ZHX1: variants seen among roughly 807,000 people sequenced by gnomAD.
ZHX1 encodes zinc fingers and homeoboxes 1, also known as zinc fingers and homeoboxes protein 1.
A neutral mutation model predicts 61.8 loss-of-function variants in ZHX1; 20 were observed. That is an observed-to-expected ratio of 0.32 (90% CI 0.23 to 0.47). ZHX1 has a LOEUF of 0.47. Ranked by LOEUF, ZHX1 falls within the 20% of genes least tolerant of loss-of-function variation. The pLI is 1.00. For synonymous variants in ZHX1, 318 were observed against 352.6 expected, an observed-to-expected ratio of 0.90 and a Z score of 1.10; for missense variants, 800 against 1,034.8, an observed-to-expected ratio of 0.77 and a Z score of 3.11.
chr8:123,253,587 T>A lies in ZHX1; in HGVS notation c.2360A>T (p.Asp787Val). Residue 787 changes from aspartate to valine, a missense_variant, in exon 3 of 4, where the codon GAT (aspartate) becomes GTT (valine). By Grantham distance (152) the Asp-to-Val change is radical. Transcript: ENST00000395571. ...AAGAAACTTGTGCTTCAGGTAATAATCCTTAAGTATTGCAGTTCCAGTTTT... is the reference window on the plus strand; with the variant it reads ...AAGAAACTTGTGCTTCAGGTAATAAACCTTAAGTATTGCAGTTCCAGTTTT... ...KFKTGTAILKDYYLKHKFLNE... is the reference protein window; with the variant it reads ...KFKTGTAILKVYYLKHKFLNE... 1 of 1,614,224 alleles carries A rather than the reference T, an allele frequency of 6.2e-7. No individual in the cohort carries two copies. The highest frequency in any genetic ancestry group is 1.1e-5 in the South Asian group (1 of 91,088).
chr8:123,272,464 T>A (rs890105200), intron 1 of ZHX1, among the ~76,000 whole-genome samples: 4 of 152,222 alleles, frequency 2.6e-5, no homozygotes, highest in Admixed American at 6.5e-5. Flanking sequence ...ATTATTGTCA[T>A]TGGCAGCACT....
chr8:123,267,370 C>T lies in ZHX1; in HGVS notation c.-323G>A. On this transcript the variant is annotated 5_prime_UTR_variant, in exon 2 of 4. Coordinates refer to ENST00000395571, the MANE Select transcript of ZHX1 (RefSeq NM_007222.5). ...GCCATCATTACCAACAGGTCCAAAG[C>T]AGCAGTCTGTCTTCTCCTACAAAAA... 1.7e-6 allele frequency: 2 copies of T among 1,204,506 alleles called. No individual in the cohort carries two copies. Among genetic ancestry groups the T allele is most frequent in the Non-Finnish European group, 2.3e-6 (2 of 877,530 alleles). 74.6% of individuals were successfully genotyped at this position (1,204,506 alleles called of 1,614,324 possible).
intron 3 of ZHX1, chr8:123,252,496 T>C (rs1478788149): frequency 1.3e-5 from 2 of 152,198 alleles, no homozygotes; most frequent in Non-Finnish European, 2.9e-5. Flanking sequence ...TCAAATACAA[T>C]GTTAGTGCTG....
At chr8:123,261,812 C>G (rs936461534) in intron 2 of ZHX1, among the ~76,000 whole-genome samples, 1 of 152,090 alleles carries the variant, frequency 6.6e-6, no homozygotes. Context: ...TATAAATTCT[C>G]TCACTTTTTT....
intron 2 of ZHX1, among the ~76,000 whole-genome samples, chr8:123,258,699 C>T (rs1826152981): frequency 6.6e-6 from 1 of 151,850 alleles, no homozygotes; most frequent in Admixed American, 6.6e-5. Flanking sequence ...GGAGGCATCA[C>T]CATAGAGAAC....
chr8:123,268,784 C>T (rs922844752), intron 1 of ZHX1, among the ~76,000 whole-genome samples: 7 of 152,122 alleles, frequency 4.6e-5, no homozygotes, highest in Non-Finnish European at 8.8e-5. Context: ...GATCCCTAAC[C>T]GGCCTTTTGT....
chr8:123,257,595 G>A (rs1033670773), intron 2 of ZHX1, among the ~76,000 whole-genome samples: 3 of 152,180 alleles, frequency 2.0e-5, no homozygotes, highest in Admixed American at 6.5e-5. Context: ...CGCGGTGCGA[G>A]GGGATGAGAT....
intron 3 of ZHX1, among the ~76,000 whole-genome samples, chr8:123,252,233 T>C (rs1333466522): frequency 6.6e-6 from 1 of 152,206 alleles, no homozygotes; most frequent in East Asian, 1.9e-4. Context: ...AACTGCATTG[T>C]TTTCAAAACA....
intron 3 of ZHX1, chr8:123,252,642 A>G (rs1825951128): frequency 6.6e-6 from 1 of 152,206 alleles, no homozygotes; most frequent in Admixed American, 6.5e-5. Flanking sequence ...ATGCCGCCTA[A>G]GCAAACATGA....
chr8:123,261,251 T>C (rs953164779), intron 2 of ZHX1, among the ~76,000 whole-genome samples: 2 of 152,150 alleles, frequency 1.3e-5, no homozygotes, highest in Non-Finnish European at 2.9e-5. Context: ...AGTCATAAGT[T>C]TGGAGGAAAC....
At chr8:123,273,131 G>A (rs1433694934) in intron 1 of ZHX1, among the ~76,000 whole-genome samples, 1 of 152,100 alleles carries the variant, frequency 6.6e-6, no homozygotes, top group African/African-American at 2.4e-5. Context: ...CCAGCTGCTG[G>A]ATCCTTCACT....
chr8:123,274,979 G>T (rs1003528601), upstream of ZHX1, among the ~76,000 whole-genome samples: 6 of 152,152 alleles, frequency 3.9e-5, no homozygotes, highest in African/African-American at 1.4e-4. Flanking sequence ...CCTTGTCAGC[G>T]GCAGCTCCAC....
In ZHX1 at chr8:123,265,720, TAA is replaced by T. The variant is rs1408025716; in HGVS notation, c.-226+1551_-226+1552del. Among the ~76,000 whole-genome samples, 8 of 152,216 alleles carry T rather than the reference TAA, an allele frequency of 5.3e-5. No homozygotes were observed. The East Asian group carries it at 1.5e-3, about 29-fold the overall frequency. On this transcript the variant is annotated intron_variant, in intron 2 of 3. Coordinates refer to ENST00000395571, the MANE Select transcript of ZHX1 (RefSeq NM_007222.5). ...TAACCTACAATCATGACCTGAGAGA[TAA>T]GTCTCAAGAAAACTGTAAAAAATAG... is the stretch of plus-strand genomic sequence containing the variant.
Position 123,255,612 on chromosome 8 carries a change from T to G in ZHX1, c.335A>C (p.Lys112Thr). 6.2e-7 allele frequency: 1 copy of G among 1,613,538 alleles called. No homozygotes were observed. Among genetic ancestry groups the G allele is most frequent in the Non-Finnish European group, 8.5e-7 (1 of 1,180,008 alleles). The change falls in exon 3 of 4, where the codon AAA becomes ACA. Residue 112 changes from lysine to threonine, a missense_variant. Physicochemically the swap from Lys to Thr is moderately conservative, Grantham distance 78. Transcript: ENST00000395571. ...YVCVECNFLT[K>T]RYDALSEHNL... ...ATGCTCAGAAAGTGCATCATACCTT[T>G]TGGTAAGAAAATTGCATTCGACACA...
At chr8:123,257,858 C>T (rs1399861930) in intron 2 of ZHX1, among the ~76,000 whole-genome samples, 1 of 152,100 alleles carries the variant, frequency 6.6e-6, no homozygotes, top group African/African-American at 2.4e-5. Flanking sequence ...TTGGGGACCC[C>T]TACTAGAGAT....
At chr8:123,257,216 G>A (rs1400507501) in intron 2 of ZHX1, 1 of 152,248 alleles carries the variant, frequency 6.6e-6, no homozygotes, top group Non-Finnish European at 1.5e-5. Flanking sequence ...ACCGTGCCTG[G>A]CCTACCAGAA....
chr8:123,248,831 G>T lies in ZHX1; in HGVS notation c.*1493C>A, dbSNP rs528364905. 1 of 152,240 alleles carries T rather than the reference G, an allele frequency of 6.6e-6. No homozygotes were observed. The highest frequency in any genetic ancestry group is 2.4e-5 in the African/African-American group (1 of 41,434). 9.4% of individuals were successfully genotyped at this position (152,240 alleles called of 1,614,324 possible). ...GTAAAAGAAAAAAAAAAAGCTTAGT[G>T]CATTACGGTCTTTACATTGCTTCTT... On this transcript the variant is annotated 3_prime_UTR_variant, in exon 4 of 4. Coordinates refer to ENST00000395571, the MANE Select transcript of ZHX1 (RefSeq NM_007222.5).
chr8:123,274,474 C>CCCGCGCGCGCGTCCT (rs1246706644), upstream of ZHX1: 2 of 152,198 alleles, frequency 1.3e-5, no homozygotes, highest in Admixed American at 6.5e-5. Flanking sequence ...GCGGGGCCCT[C>CCCGCGCGCGCGTCCT]CCGCGCGCGC....
In ZHX1 at chr8:123,254,759, C is replaced by A. The variant is rs1234750075; in HGVS notation, c.1188G>T (p.Leu396=). The change falls in exon 3 of 4, where the codon CTG becomes CTT. Residue 396 remains leucine, a synonymous_variant. Coordinates refer to ENST00000395571, the MANE Select transcript of ZHX1 (RefSeq NM_007222.5). The surrounding 1 kb of genome is among the most constrained non-coding windows in gnomAD (Gnocchi z 4.1). ...TTGTTCCAGCCACTTGAGTAAGGACCAGACCAGGCTGACCAACTATTTGGC... is the reference window on the plus strand; with the variant it reads ...TTGTTCCAGCCACTTGAGTAAGGACAAGACCAGGCTGACCAACTATTTGGC... ...QTCQIVGQPG[L]VLTQVAGTNT... 2.5e-6 allele frequency: 4 copies of A among 1,614,154 alleles called. No homozygotes were observed. Among genetic ancestry groups the A allele is most frequent in the Non-Finnish European group, 3.4e-6 (4 of 1,180,030 alleles).
Sources: gnomAD v4.1 joint callset for allele counts (sites outside exome capture counted in the v4.1 genomes callset) on GRCh38, gnomAD v4.1.1 for gene constraint, Gnocchi (gnomAD v3.1) non-coding constraint, MANE v1.5 for transcripts, NCBI Gene and HGNC (gene_info 2026-07-23, HGNC 2026-07-21) for gene names.